The following SLC43A2 variants were observed in gnomAD, a reference collection of about 807,000 sequenced individuals.
SLC43A2 encodes the protein large neutral amino acids transporter small subunit 4.
Under a neutral mutation model 63.2 loss-of-function variants are expected in SLC43A2, and 38 were observed. That is an observed-to-expected ratio of 0.60 (90% CI 0.46 to 0.79). The LOEUF is 0.79. Ranked by LOEUF, SLC43A2 falls within the 30% of genes least tolerant of loss-of-function variation. SLC43A2 has a pLI of 0.00. For synonymous variants in SLC43A2, 322 were observed against 331.0 expected (o/e 0.97, Z 0.30); for missense variants, 644 against 756.2 (o/e 0.85, Z 1.74).
At chr17:1,625,633 A>G (rs1908595506) in intron 2 of SLC43A2, among the ~76,000 whole-genome samples, 1 of 152,096 alleles carries the variant, frequency 6.6e-6, no homozygotes. Flanking sequence ...GGTGATGCAG[A>G]CTCCAAGAAT....
At chr17:1,599,819 T>C (rs954146980) in intron 5 of SLC43A2, among the ~76,000 whole-genome samples, 1 of 150,826 alleles carries the variant, frequency 6.6e-6, no homozygotes, top group Non-Finnish European at 1.5e-5. Context: ...CTGAGGCGGG[T>C]GGATCATGAG....
chr17:1,590,791 G>C lies in SLC43A2; in HGVS notation c.1078+11C>G. Reference sequence around the variant, plus strand: ...GGAGTGACAGCGACCGAGGCTGCCCGGGGCACCTACCTGTCTTCTGGTCGC... The same window carrying C: ...GGAGTGACAGCGACCGAGGCTGCCCCGGGCACCTACCTGTCTTCTGGTCGC... On this transcript the variant is annotated intron_variant, in intron 9 of 13. Transcript: ENST00000301335. 2 of 1,552,226 alleles carry C rather than the reference G, an allele frequency of 1.3e-6. No individual in the cohort carries two copies. Among genetic ancestry groups the C allele is most frequent in the Non-Finnish European group, 1.7e-6 (2 of 1,147,866 alleles).
Position 1,577,417 on chromosome 17 carries a change from G to GC in SLC43A2, c.1425-698dup, listed in dbSNP as rs1389712089. Among the ~76,000 whole-genome samples the GC allele has an allele frequency of 6.6e-6, 1 of 152,084 alleles. No individual in the cohort carries two copies. The highest frequency in any genetic ancestry group is 2.4e-5 in the African/African-American group (1 of 41,366). On this transcript the variant is annotated intron_variant, in intron 12 of 13. Coordinates refer to ENST00000301335, the MANE Select transcript of SLC43A2 (RefSeq NM_152346.3). This position sits in a 1 kb window ranked among gnomAD's most constrained non-coding sequence, Gnocchi z 4.9. ...GCGGAAACTCAGCACCACAGATCCC[G>GC]CCCCCCTCCCTCAGACCCTGCCAGG...
chr17:1,591,421 T>C lies in SLC43A2; in HGVS notation c.779A>G (p.Lys260Arg), dbSNP rs1904772325. The C allele has an allele frequency of 1.2e-6, 2 of 1,613,304 alleles. No individual in the cohort carries two copies. Residue 260 changes from lysine to arginine, a missense_variant, in exon 8 of 14, where the codon AAG (lysine) becomes AGG (arginine). By Grantham distance (26) the Lys-to-Arg change is conservative (BLOSUM62 2). Coordinates refer to ENST00000301335, the MANE Select transcript of SLC43A2 (RefSeq NM_152346.3). ...CGTGGTCACCTGCTTGTAGAACTGCTTCCCTGTGATCTTGTGGTCAAAGCC... is the reference window on the plus strand; with the variant it reads ...CGTGGTCACCTGCTTGTAGAACTGCCTCCCTGTGATCTTGTGGTCAAAGCC... ...WLGFDHKITG[K>R]QFYKQVTTVG...
chr17:1,617,806 C>A (rs1907819112), intron 2 of SLC43A2, among the ~76,000 whole-genome samples: 1 of 152,190 alleles, frequency 6.6e-6, no homozygotes, highest in Non-Finnish European at 1.5e-5. Context: ...CCCTTAATGG[C>A]CCCCTTCAAA....
At chr17:1,613,399 T>C in intron 4 of SLC43A2, 128 bp from the exon 5 acceptor site, 1 of 742,822 alleles carries the variant, frequency 1.3e-6, no homozygotes, top group Non-Finnish European at 2.4e-6. Flanking sequence ...GGTTAGTACC[T>C]GACATCTGGG....
At chr17:1,612,295 C>G (rs543706524) in intron 5 of SLC43A2, among the ~76,000 whole-genome samples, 16 of 152,242 alleles carry the variant, frequency 1.1e-4, no homozygotes, top group African/African-American at 3.9e-4. Flanking sequence ...TCAACCCCAC[C>G]TTCCTTCTGC....
At chr17:1,591,053 C>T (rs1019168520) in intron 8 of SLC43A2, 105 bp from the exon 9 acceptor site, 18 of 1,364,370 alleles carry the variant, frequency 1.3e-5, no homozygotes, top group Middle Eastern at 2.5e-4. Flanking sequence ...GCCCTCGGGA[C>T]GGGCCTGGTG....
intron 5 of SLC43A2, among the ~76,000 whole-genome samples, chr17:1,607,581 G>A (rs1374091808): frequency 6.6e-6 from 1 of 152,178 alleles, no homozygotes; most frequent in Non-Finnish European, 1.5e-5. Flanking sequence ...AAGGAGAGCT[G>A]GCCCATGCAA....
At chr17:1,629,734 T>A (rs1909009027), upstream of SLC43A2, among the ~76,000 whole-genome samples, 1 of 152,128 alleles carries the variant, frequency 6.6e-6, no homozygotes. Context: ...GAAGGTCCCC[T>A]CTGCAGGGCG....
At chr17:1,590,779 C>T in intron 9 of SLC43A2, 23 bp downstream of exon 9, 1 of 1,550,634 alleles carries the variant, frequency 6.4e-7, no homozygotes, top group Non-Finnish European at 8.7e-7. Flanking sequence ...GTGACAGCGA[C>T]CGAGGCTGCC....
At chr17:1,604,813 G>A (rs1432047496) in intron 5 of SLC43A2, 2 of 1,535,734 alleles carry the variant, frequency 1.3e-6, no homozygotes, top group Admixed American at 3.9e-5. Context: ...ATTTGCCTGT[G>A]GACTCCCGTA....
chr17:1,604,803 A>G, intron 5 of SLC43A2: 3 of 1,535,642 alleles, frequency 2.0e-6, no homozygotes, highest in Non-Finnish European at 2.6e-6. Flanking sequence ...ATGGGCTTGC[A>G]TTTGCCTGTG....
chr17:1,598,203 A>G (rs1350806297), intron 5 of SLC43A2, among the ~76,000 whole-genome samples: 2 of 152,202 alleles, frequency 1.3e-5, no homozygotes, highest in African/African-American at 4.8e-5. Context: ...CAGGTGGACC[A>G]TGAGGTCAGG....
Position 1,613,227 on chromosome 17 carries a change from C to A in SLC43A2, c.469G>T (p.Gly157Cys). 1 of 1,613,992 alleles carries A rather than the reference C, an allele frequency of 6.2e-7. No homozygotes were observed. The highest frequency in any genetic ancestry group is 1.3e-5 in the African/African-American group (1 of 74,918). Residue 157 changes from glycine (G) to cysteine (C), a missense_variant, in exon 5 of 14, where the codon GGT becomes TGT. Physicochemically the swap from Gly to Cys is radical, Grantham distance 159. Around this residue, in one of 3 missense-constraint regions of SLC43A2, gnomAD observed 528 missense variants for 623.6 expected, o/e 0.85. Coordinates refer to ENST00000301335, the MANE Select transcript of SLC43A2 (RefSeq NM_152346.3). ...IFIALALNGFGGMCMTFTSLT... is the reference protein window; with the variant it reads ...IFIALALNGFCGMCMTFTSLT... Reference sequence around the variant, plus strand: ...GAGGTGAAGGTCATACACATCCCACCAAAGCCATTCAGAGCCAGGGCGATG... The same window carrying A: ...GAGGTGAAGGTCATACACATCCCACAAAAGCCATTCAGAGCCAGGGCGATG...
intron 11 of SLC43A2, among the ~76,000 whole-genome samples, chr17:1,582,948 G>A (rs1053628891): frequency 6.6e-6 from 1 of 152,118 alleles, no homozygotes; most frequent in African/African-American, 2.4e-5. Flanking sequence ...GCGTGATGGT[G>A]CGCACCTGTA....
At chr17:1,587,872 C>A (rs889899338) in intron 9 of SLC43A2, among the ~76,000 whole-genome samples, 13 of 152,186 alleles carry the variant, frequency 8.5e-5, no homozygotes, top group Non-Finnish European at 1.5e-4. Context: ...AGGGGGCACC[C>A]GACCCATCTG....
chr17:1,611,491 G>C (rs8076586), intron 5 of SLC43A2, among the ~76,000 whole-genome samples: 47,550 of 151,684 alleles, frequency 0.31, 9,555 homozygotes, highest in African/African-American at 0.58. Context: ...AAAAATTAGC[G>C]AGGCGTGATG....
intron 9 of SLC43A2, among the ~76,000 whole-genome samples, chr17:1,588,212 T>A (rs2151040680): frequency 6.6e-6 from 1 of 150,972 alleles, no homozygotes; most frequent in African/African-American, 2.4e-5. Context: ...ATGGTGAAAC[T>A]CCGTCTCTAC....
Sources: allele counts gnomAD v4.1 joint callset (sites outside exome capture counted in the v4.1 genomes callset), GRCh38; gene constraint gnomAD v4.1.1; regional missense constraint gnomAD v4.1.1; non-coding constraint Gnocchi (gnomAD v3.1); transcripts MANE v1.5; gene names NCBI Gene and HGNC (gene_info 2026-07-23, HGNC 2026-07-21).